Variants in ARHGAP10 observed in about 807,000 individuals in gnomAD.
ARHGAP10 encodes the protein rho GTPase-activating protein 10.
In ARHGAP10, 87 loss-of-function variants were observed where a neutral mutation model predicts 108.6. The ratio of observed to expected loss-of-function variants is 0.80; its 90% CI spans 0.67 to 0.96. The LOEUF (loss-of-function observed/expected upper bound fraction) is 0.96, where lower values mean the gene tolerates loss of function less well. Among genes scored for constraint, ARHGAP10 ranks in the 40% least tolerant of loss-of-function variants. The pLI is 0.00. For missense variants in ARHGAP10, 939 were observed against 954.5 expected (o/e 0.98, Z 0.21); for synonymous variants, 347 against 341.1 (o/e 1.02, Z -0.19).
chr4:147,850,942 A>C (rs1221221342), intron 4 of ARHGAP10, among the ~76,000 whole-genome samples: 1 of 152,212 alleles, frequency 6.6e-6, no homozygotes, highest in Admixed American at 6.5e-5. Context: ...GTTGAACAAA[A>C]ACTCTGAGAA....
At chr4:147,777,404 AC>A (rs1730344157) in intron 1 of ARHGAP10, among the ~76,000 whole-genome samples, 1 of 151,550 alleles carries the variant, frequency 6.6e-6, no homozygotes, top group African/African-American at 2.4e-5. Context: ...GACTACAGGC[AC>A]CCGCCACCAT....
At chr4:147,980,618 CTT>C (rs1739776043) in intron 18 of ARHGAP10, among the ~76,000 whole-genome samples, 1 of 152,138 alleles carries the variant, frequency 6.6e-6, no homozygotes, top group South Asian at 2.1e-4. Context: ...GGTACCAGCT[CTT>C]TTTTGTAAGC....
Position 147,913,031 on chromosome 4 carries a change from AAAT to A in ARHGAP10, c.1163-36_1163-34del, listed in dbSNP as rs757464117. The stretch of plus-strand genomic sequence containing the variant: ...TTTTTAAAAGGAAGAGAAATGTGAT[AAAT>A]AATAATTGTACACTTAATGTTTTAA... On this transcript the variant is annotated intron_variant, in intron 12 of 22. Transcript: ENST00000336498. 23 of 1,527,330 alleles carry A rather than the reference AAAT, an allele frequency of 1.5e-5. No homozygotes were observed. The Admixed American group carries it at 3.8e-4, about 25-fold the overall frequency. 94.6% of individuals were successfully genotyped at this position (1,527,330 alleles called of 1,614,324 possible).
intron 1 of ARHGAP10, among the ~76,000 whole-genome samples, chr4:147,808,323 G>T (rs1731868789): frequency 6.6e-6 from 1 of 151,838 alleles, no homozygotes; most frequent in South Asian, 2.1e-4. Context: ...AAAAACTTTG[G>T]CATTTTTTTT....
intron 1 of ARHGAP10, among the ~76,000 whole-genome samples, chr4:147,815,831 A>G (rs1319421747): frequency 2.6e-5 from 4 of 152,186 alleles, no homozygotes; most frequent in Non-Finnish European, 5.9e-5. Flanking sequence ...GTGCCACTGC[A>G]CGCTAGTCTA....
intron 1 of ARHGAP10, among the ~76,000 whole-genome samples, chr4:147,766,455 A>G (rs1579017366): frequency 6.6e-6 from 1 of 152,044 alleles, no homozygotes; most frequent in Non-Finnish European, 1.5e-5. Context: ...GTATGTAAGC[A>G]ACCATCAGTT....
At chr4:147,946,486 A>G (rs757378320) in intron 14 of ARHGAP10, 131 bp from the exon 15 acceptor site, 3 of 643,284 alleles carry the variant, frequency 4.7e-6, no homozygotes, top group East Asian at 2.8e-5. Context: ...GAAATCATAT[A>G]TATAATGTTT....
At chr4:148,050,669 G>A (rs553248222) in intron 20 of ARHGAP10, among the ~76,000 whole-genome samples, 5 of 151,764 alleles carry the variant, frequency 3.3e-5, no homozygotes, top group East Asian at 1.9e-4. Context: ...CACCGTGCCC[G>A]GTTGATTCAT....
At chr4:147,840,573 G>A (rs963114668) in intron 3 of ARHGAP10, among the ~76,000 whole-genome samples, 1 of 152,234 alleles carries the variant, frequency 6.6e-6, no homozygotes, top group African/African-American at 2.4e-5. Context: ...GATTCAGGCG[G>A]TATGTGTCAT....
rs369465113 is a variant in ARHGAP10 at position 147,876,358 on chromosome 4, C to A, written c.832+1208C>A. Among the ~76,000 whole-genome samples the A allele has an allele frequency of 2.0e-5, 3 of 152,032 alleles. No individual in the cohort carries two copies. In the South Asian group the frequency reaches 6.2e-4, roughly 32 times the overall value. Reference sequence around the variant, plus strand: ...TTGTAATCCCAGCACTCTGGGAGGCCGAGGTGGGCAGATCACGAGGTCAGG... The same window carrying A: ...TTGTAATCCCAGCACTCTGGGAGGCAGAGGTGGGCAGATCACGAGGTCAGG... On this transcript the variant is annotated intron_variant, in intron 8 of 22. Coordinates refer to ENST00000336498, the MANE Select transcript of ARHGAP10 (RefSeq NM_024605.4).
chr4:148,055,416 C>T lies in ARHGAP10; in HGVS notation c.2028-7732C>T, dbSNP rs1014706878. Among the ~76,000 whole-genome samples the T allele has an allele frequency of 4.6e-5, 7 of 152,238 alleles. No homozygotes were observed. The East Asian group carries it at 5.8e-4, about 13-fold the overall frequency. The stretch of plus-strand genomic sequence containing the variant: ...AAAGATATTTGTTCTCAGCTGGGCG[C>T]GGTGGCATACGCCTGTAATCCCAGC... On this transcript the variant is annotated intron_variant, in intron 20 of 22. Transcript: ENST00000336498.
chr4:147,832,062 C>T (rs996883855), intron 3 of ARHGAP10, among the ~76,000 whole-genome samples: 1 of 152,098 alleles, frequency 6.6e-6, no homozygotes, highest in African/African-American at 2.4e-5. Flanking sequence ...ACTCTGCTCT[C>T]TTCTTCCCCC....
chr4:147,990,132 C>T (rs534286140), intron 18 of ARHGAP10, among the ~76,000 whole-genome samples: 26 of 152,304 alleles, frequency 1.7e-4, no homozygotes, highest in African/African-American at 5.8e-4. Context: ...GAAGGCACCC[C>T]GTCCTTCAGG....
chr4:148,028,913 T>C (rs1728001410), intron 19 of ARHGAP10, among the ~76,000 whole-genome samples: 2 of 152,196 alleles, frequency 1.3e-5, no homozygotes, highest in Admixed American at 1.3e-4. Flanking sequence ...CATAGGTAAA[T>C]CTATCATTGT....
chr4:148,028,421 C>T (rs1406034331), intron 19 of ARHGAP10, among the ~76,000 whole-genome samples: 1 of 152,144 alleles, frequency 6.6e-6, no homozygotes, highest in African/African-American at 2.4e-5. Context: ...ATTGCTTACC[C>T]TCTCTAAATC....
At chr4:147,967,732 CATA>C (rs1459879630) in intron 18 of ARHGAP10, among the ~76,000 whole-genome samples, 2 of 152,006 alleles carry the variant, frequency 1.3e-5, no homozygotes, top group African/African-American at 4.9e-5. Flanking sequence ...GCCCGCAAGG[CATA>C]ACTATGTACT....
chr4:147,977,294 C>T (rs180973331), intron 18 of ARHGAP10, among the ~76,000 whole-genome samples: 7 of 152,174 alleles, frequency 4.6e-5, no homozygotes, highest in Admixed American at 3.3e-4. Flanking sequence ...AGTGTGGTGG[C>T]GTATGTGTAG....
At chr4:147,940,462 C>A (rs535813095) in intron 14 of ARHGAP10, among the ~76,000 whole-genome samples, 52 of 152,266 alleles carry the variant, frequency 3.4e-4, no homozygotes, top group African/African-American at 1.1e-3. Context: ...TTCATTACCC[C>A]AGACATTATG....
At chr4:147,997,390 T>C (rs1740515520) in intron 18 of ARHGAP10, among the ~76,000 whole-genome samples, 1 of 152,226 alleles carries the variant, frequency 6.6e-6, no homozygotes, top group Non-Finnish European at 1.5e-5. Context: ...AGTGACTAAA[T>C]ATGATTCTTT....
Sources: allele counts gnomAD v4.1 joint callset (sites outside exome capture counted in the v4.1 genomes callset), GRCh38; gene constraint gnomAD v4.1.1; transcripts MANE v1.5; gene names NCBI Gene and HGNC (gene_info 2026-07-23, HGNC 2026-07-21).